Variants in ARHGAP21 observed in about 807,000 individuals in gnomAD.
ARHGAP21 encodes the protein rho GTPase-activating protein 21.
A neutral mutation model predicts 164.6 loss-of-function variants in ARHGAP21; 38 were observed. The ratio of observed to expected loss-of-function variants is 0.23; its 90% confidence interval spans 0.18 to 0.30. The LOEUF (loss-of-function observed/expected upper bound fraction) is 0.30, where lower values mean the gene tolerates loss of function less well. Ranked by LOEUF, ARHGAP21 falls within the 10% of genes least tolerant of loss-of-function variation. ARHGAP21 has a pLI of 1.00. For synonymous variants in ARHGAP21, 766 were observed against 857.9 expected (o/e 0.89, Z 1.87); for missense variants, 1,822 against 2,370.7 (o/e 0.77, Z 4.81).
intron 24 of ARHGAP21, chr10:24,590,400 C>T: frequency 6.5e-7 from 1 of 1,535,398 alleles, no homozygotes; most frequent in Non-Finnish European, 8.7e-7. Context: ...CCTCCTTCTT[C>T]CTACAGTTCC....
chr10:24,713,720 G>A (rs564642116), intron 2 of ARHGAP21, among the ~76,000 whole-genome samples: 11 of 150,200 alleles, frequency 7.3e-5, no homozygotes, highest in Admixed American at 4.7e-4. Context: ...CAATCCTCCC[G>A]ACTCTACCTC....
At chr10:24,615,573 A>C (rs1383615668) in intron 9 of ARHGAP21, among the ~76,000 whole-genome samples, 1 of 152,164 alleles carries the variant, frequency 6.6e-6, no homozygotes, top group Non-Finnish European at 1.5e-5. Context: ...GCACTGTCCA[A>C]AGAATATGAA....
intron 2 of ARHGAP21, among the ~76,000 whole-genome samples, chr10:24,684,706 A>T (rs1842062964): frequency 1.3e-5 from 2 of 152,092 alleles, no homozygotes; most frequent in Non-Finnish European, 2.9e-5. Context: ...TGGCGTGATC[A>T]CAGCTCACTG....
rs773377086 is a variant in ARHGAP21 at position 24,635,094 on chromosome 10, C to G, written c.278G>C (p.Arg93Thr). ...GGTATCCATTGGTTCCAAGCGGTTT[C>G]TTTGTTTTCCTGTTACAGAGAAGCC... ...EENGNRGGKQ[R>T]NRLEPMDTIF... is the part of the protein sequence containing the mutation. Residue 93 changes from arginine to threonine, a missense_variant, in exon 5 of 26, where the codon AGA becomes ACA. Arg to Thr is a moderately conservative substitution (Grantham distance 71). This residue lies in a region of ARHGAP21 where 1,090 missense variants were observed against 1,378.9 expected (regional missense o/e 0.79). Coordinates refer to ENST00000396432, the MANE Select transcript of ARHGAP21 (RefSeq NM_020824.4). 8.8e-6 allele frequency: 14 copies of G among 1,587,902 alleles called. No individual in the cohort carries two copies. Among genetic ancestry groups the G allele is most frequent in the Non-Finnish European group, 1.0e-5 (12 of 1,170,308 alleles).
chr10:24,721,316 A>G (rs1276428301), intron 2 of ARHGAP21, among the ~76,000 whole-genome samples: 1 of 152,222 alleles, frequency 6.6e-6, no homozygotes, highest in African/African-American at 2.4e-5. Flanking sequence ...ATTCACGGAA[A>G]AACACTTCTT....
chr10:24,676,801 C>T, intron 2 of ARHGAP21, among the ~76,000 whole-genome samples: 1 of 152,146 alleles, frequency 6.6e-6, no homozygotes, highest in East Asian at 1.9e-4. Context: ...CGTCTCTAAG[C>T]CTCAGTTTTC....
chr10:24,672,994 G>A (rs1053888359), intron 2 of ARHGAP21, among the ~76,000 whole-genome samples: 2 of 152,024 alleles, frequency 1.3e-5, no homozygotes, highest in African/African-American at 2.4e-5. Context: ...GGATAAATCT[G>A]ACAAAAGATT....
intron 2 of ARHGAP21, among the ~76,000 whole-genome samples, chr10:24,712,995 C>T (rs1360494101): frequency 2.0e-5 from 3 of 151,600 alleles, no homozygotes; most frequent in African/African-American, 4.9e-5. Context: ...AAAAAAACGG[C>T]GCTGATGAAT....
At chr10:24,711,333 A>G (rs1251388797) in intron 2 of ARHGAP21, among the ~76,000 whole-genome samples, 1 of 151,918 alleles carries the variant, frequency 6.6e-6, no homozygotes, top group East Asian at 1.9e-4. Context: ...TTCCCAGGGG[A>G]ACCACTAAAC....
chr10:24,608,347 G>A (rs150932866), intron 9 of ARHGAP21, among the ~76,000 whole-genome samples: 6 of 152,146 alleles, frequency 3.9e-5, no homozygotes, highest in South Asian at 4.2e-4. Flanking sequence ...CCGTATCCCC[G>A]CCTCATCCCT....
intron 4 of ARHGAP21, among the ~76,000 whole-genome samples, chr10:24,641,217 T>C (rs937096718): frequency 6.6e-6 from 1 of 152,254 alleles, no homozygotes; most frequent in Non-Finnish European, 1.5e-5. Context: ...ATGTATCATA[T>C]GATAAATATA....
chr10:24,613,520 C>G (rs1306623240), intron 9 of ARHGAP21, among the ~76,000 whole-genome samples: 1 of 152,196 alleles, frequency 6.6e-6, no homozygotes, highest in Non-Finnish European at 1.5e-5. Context: ...TCTTCAAAGT[C>G]ATCTGGAGAT....
At chr10:24,679,061 T>C (rs1434688626) in intron 2 of ARHGAP21, among the ~76,000 whole-genome samples, 1 of 152,240 alleles carries the variant, frequency 6.6e-6, no homozygotes, top group Non-Finnish European at 1.5e-5. Flanking sequence ...TGAATAAATA[T>C]GCTATGAACA....
At chr10:24,590,107 G>A in intron 24 of ARHGAP21, 1 of 1,112,180 alleles carries the variant, frequency 9.0e-7, no homozygotes, top group East Asian at 3.4e-5. Context: ...TTCAACATTA[G>A]GGAAATTGGT....
chr10:24,681,640 CT>C (rs11439346), intron 2 of ARHGAP21, among the ~76,000 whole-genome samples: 130 of 146,330 alleles, frequency 8.9e-4, no homozygotes, highest in East Asian at 3.0e-3. Flanking sequence ...AGCATTTTGT[CT>C]TTTTTTTTTT....
chr10:24,619,462 A>C lies in ARHGAP21; in HGVS notation c.2422+11T>G. The C allele has an allele frequency of 6.2e-7, 1 of 1,609,228 alleles. No individual in the cohort carries two copies. Among genetic ancestry groups the C allele is most frequent in the Non-Finnish European group, 8.5e-7 (1 of 1,178,228 alleles). ...TTTGGCATATTAGCCAATGACTCTA[A>C]ATGAGCTCACCTATAAATGGGATGG... On this transcript the variant is annotated intron_variant, in intron 9 of 25. Transcript: ENST00000396432.
intron 2 of ARHGAP21, among the ~76,000 whole-genome samples, chr10:24,699,310 T>G (rs1036247469): frequency 2.6e-5 from 4 of 151,978 alleles, no homozygotes. Context: ...GTCTGATACA[T>G]CTTTAGAATT....
intron 2 of ARHGAP21, among the ~76,000 whole-genome samples, chr10:24,681,815 G>T (rs1841785912): frequency 6.6e-6 from 1 of 152,076 alleles, no homozygotes; most frequent in East Asian, 1.9e-4. Flanking sequence ...TTTTATTGTT[G>T]TATATAAACT....
chr10:24,625,631 A>C (rs1171800733), intron 7 of ARHGAP21, among the ~76,000 whole-genome samples: 1 of 152,236 alleles, frequency 6.6e-6, no homozygotes, highest in Non-Finnish European at 1.5e-5. Flanking sequence ...AAAATATGAA[A>C]GAACCCTCCA....
Sources: allele counts gnomAD v4.1 joint callset (sites outside exome capture counted in the v4.1 genomes callset), GRCh38; gene constraint gnomAD v4.1.1; regional missense constraint gnomAD v4.1.1; transcripts MANE v1.5; gene names NCBI Gene and HGNC (gene_info 2026-07-23, HGNC 2026-07-21).